The following CSMD1 variants were observed in gnomAD, a reference collection of about 807,000 sequenced individuals.
CSMD1 encodes the protein CUB and sushi domain-containing protein 1.
In CSMD1, 213 loss-of-function variants were observed where a neutral mutation model predicts 417.5. That is an observed-to-expected ratio of 0.51 (90% CI 0.46 to 0.57). The LOEUF is 0.57. Ranked by LOEUF, CSMD1 falls within the 20% of genes least tolerant of loss-of-function variation. The pLI is 0.00. For missense variants in CSMD1, 6,923 were observed against 4,529.7 expected (o/e 1.53, Z -15.17); for synonymous variants, 2,862 against 1,736.8 (o/e 1.65, Z -16.11).
Position 3,575,078 on chromosome 8 carries a change from T to TA in CSMD1, c.1223-13dup. 1 of 1,610,904 alleles carries TA rather than the reference T, an allele frequency of 6.2e-7. No homozygotes were observed. Among genetic ancestry groups the TA allele is most frequent in the South Asian group, 1.1e-5 (1 of 90,788 alleles). ...TCCACATGTTCTCGCTGGAAACACATAGAAACGACGTTATTTTCTACAACA... is the reference window on the plus strand; with the variant it reads ...TCCACATGTTCTCGCTGGAAACACATAAGAAACGACGTTATTTTCTACAACA... On this transcript the variant is annotated splice_polypyrimidine_tract_variant and intron_variant, in intron 9 of 69. Coordinates refer to ENST00000635120, the MANE Select transcript of CSMD1 (RefSeq NM_033225.6).
intron 4 of CSMD1, among the ~76,000 whole-genome samples, chr8:4,020,871 C>T (rs947639489): frequency 2.0e-5 from 3 of 152,158 alleles, no homozygotes; most frequent in African/African-American, 4.8e-5. Context: ...AAAAGGGACC[C>T]TATTTTTGGT....
chr8:4,465,421 G>A (rs185318097), intron 2 of CSMD1, among the ~76,000 whole-genome samples: 3 of 152,108 alleles, frequency 2.0e-5, no homozygotes, highest in Admixed American at 6.5e-5. Context: ...AAGGAGCCTT[G>A]TACGTTCACC....
chr8:4,867,478 G>A (rs921692525), intron 1 of CSMD1, among the ~76,000 whole-genome samples: 1 of 152,050 alleles, frequency 6.6e-6, no homozygotes, highest in African/African-American at 2.4e-5. Flanking sequence ...GCAATTATCT[G>A]AGGCCAACAC....
chr8:3,749,695 G>C (rs191577918), intron 6 of CSMD1, among the ~76,000 whole-genome samples: 61 of 152,198 alleles, frequency 4.0e-4, no homozygotes, highest in African/African-American at 1.5e-3. Flanking sequence ...ACCACCAGTG[G>C]GCTGATTTCA....
intron 6 of CSMD1, among the ~76,000 whole-genome samples, chr8:3,737,611 C>T (rs17067256): frequency 1.3e-5 from 2 of 152,174 alleles, no homozygotes; most frequent in Non-Finnish European, 1.5e-5. Flanking sequence ...AGATCACCCT[C>T]TCAGTTACTA....
At chr8:3,270,120 G>A (rs982688552) in intron 26 of CSMD1, among the ~76,000 whole-genome samples, 1 of 129,986 alleles carries the variant, frequency 7.7e-6, no homozygotes, top group Non-Finnish European at 1.6e-5. Context: ...CACTGTCTTG[G>A]CCCACTGCAA....
intron 1 of CSMD1, among the ~76,000 whole-genome samples, chr8:4,638,469 A>T (rs902661492): frequency 3.5e-4 from 54 of 152,324 alleles, no homozygotes; most frequent in African/African-American, 1.2e-3. Flanking sequence ...AAGTTAAATG[A>T]CGCTAAAATG....
At chr8:4,787,101 C>T (rs1797439666) in intron 1 of CSMD1, among the ~76,000 whole-genome samples, 1 of 152,178 alleles carries the variant, frequency 6.6e-6, no homozygotes, top group Non-Finnish European at 1.5e-5. Flanking sequence ...GGGTGATACT[C>T]GGCCTCCGCT....
At chr8:3,615,758 T>C (rs1003237304) in intron 8 of CSMD1, among the ~76,000 whole-genome samples, 1 of 152,188 alleles carries the variant, frequency 6.6e-6, no homozygotes, top group Non-Finnish European at 1.5e-5. Flanking sequence ...GAACCTTTTT[T>C]TGGATTTTTT....
At chr8:3,473,297 T>C (rs1011569281) in intron 11 of CSMD1, among the ~76,000 whole-genome samples, 3 of 152,226 alleles carry the variant, frequency 2.0e-5, no homozygotes, top group African/African-American at 2.4e-5. Context: ...ATCAGGTTTA[T>C]GTTTATTACT....
chr8:2,955,580 A>T lies in CSMD1; in HGVS notation c.9994+9T>A, dbSNP rs375044335. The T allele has an allele frequency of 2.4e-5, 38 of 1,612,848 alleles. No individual in the cohort carries two copies. The highest frequency in any genetic ancestry group is 3.2e-5 in the Non-Finnish European group (38 of 1,179,268). On this transcript the variant is annotated intron_variant, in intron 64 of 69. Coordinates refer to ENST00000635120, the MANE Select transcript of CSMD1 (RefSeq NM_033225.6). ...GGAAAAGTATGCCACTCCTTGATCAATGACTTACTTTTACACACAGGCGAC... is the reference window on the plus strand; with the variant it reads ...GGAAAAGTATGCCACTCCTTGATCATTGACTTACTTTTACACACAGGCGAC...
chr8:3,900,218 G>C (rs959485507), intron 5 of CSMD1, among the ~76,000 whole-genome samples: 1 of 151,734 alleles, frequency 6.6e-6, no homozygotes, highest in South Asian at 2.1e-4. Flanking sequence ...GTGGAGCTGG[G>C]TGACAGTGTT....
chr8:3,427,428 G>C (rs984835166), intron 12 of CSMD1, among the ~76,000 whole-genome samples: 2 of 152,024 alleles, frequency 1.3e-5, no homozygotes, highest in Admixed American at 6.6e-5. Flanking sequence ...TTAACAATAT[G>C]TAATGATTCC....
intron 68 of CSMD1, 35 bp downstream of exon 68, chr8:2,949,264 T>G: frequency 8.4e-7 from 1 of 1,189,634 alleles, no homozygotes; most frequent in Non-Finnish European, 1.2e-6. Context: ...GCCAAACTGA[T>G]ATTTGCTTTA....
chr8:4,198,731 C>G (rs1180139669), intron 3 of CSMD1, among the ~76,000 whole-genome samples: 1 of 152,014 alleles, frequency 6.6e-6, no homozygotes, highest in African/African-American at 2.4e-5. Flanking sequence ...AATTGGTTTT[C>G]TTTGTAATCT....
chr8:4,012,177 G>A (rs372822008), intron 4 of CSMD1, among the ~76,000 whole-genome samples: 113 of 152,162 alleles, frequency 7.4e-4, no homozygotes, highest in African/African-American at 2.5e-3. Context: ...GAACCCACCA[G>A]TAAACAGGGC....
intron 2 of CSMD1, among the ~76,000 whole-genome samples, chr8:4,594,627 G>A (rs896945206): frequency 1.3e-5 from 2 of 152,112 alleles, no homozygotes; most frequent in Non-Finnish European, 2.9e-5. Flanking sequence ...ATATGTATTT[G>A]AACCTGGTCT....
chr8:3,647,024 C>G (rs1797610395), intron 7 of CSMD1, among the ~76,000 whole-genome samples: 1 of 152,186 alleles, frequency 6.6e-6, no homozygotes, highest in African/African-American at 2.4e-5. Context: ...CAGCTCTTTC[C>G]TGCCACTTCT....
At chr8:4,975,660 T>G (rs1214415964) in intron 1 of CSMD1, among the ~76,000 whole-genome samples, 1 of 152,084 alleles carries the variant, frequency 6.6e-6, no homozygotes, top group Non-Finnish European at 1.5e-5. Flanking sequence ...TGAAGTGAGG[T>G]AACGGTAATT....
Sources: gnomAD v4.1 joint callset for allele counts (sites outside exome capture counted in the v4.1 genomes callset) on GRCh38, gnomAD v4.1.1 for gene constraint, MANE v1.5 for transcripts, NCBI Gene and HGNC (gene_info 2026-07-23, HGNC 2026-07-21) for gene names.